Variants in NDUFAF2 observed in about 807,000 individuals in gnomAD.
NDUFAF2 encodes the protein NADH dehydrogenase [ubiquinone] 1 alpha subcomplex assembly factor 2.
In NDUFAF2, 13 loss-of-function variants were observed where a neutral mutation model predicts 22.8. The observed-to-expected ratio is 0.57, with a 90% CI of 0.37 to 0.91. The LOEUF is 0.91. NDUFAF2 is among the 40% of genes least tolerant of loss of function. The pLI, the probability that NDUFAF2 is intolerant of heterozygous loss-of-function variation, is 0.01. For synonymous variants in NDUFAF2, 53 were observed against 64.2 expected, an observed-to-expected ratio of 0.83 and a Z score of 0.84; for missense variants, 162 against 195.2, an observed-to-expected ratio of 0.83 and a Z score of 1.01.
chr5:61,131,442 G>A (rs1753111012), intron 3 of NDUFAF2, among the ~76,000 whole-genome samples: 1 of 152,026 alleles, frequency 6.6e-6, no homozygotes, highest in Non-Finnish European at 1.5e-5. Flanking sequence ...ACTCTTTAGA[G>A]AGCAATTTTC....
intron 1 of NDUFAF2, among the ~76,000 whole-genome samples, chr5:60,959,194 T>C (rs1750653911): frequency 6.6e-6 from 1 of 152,092 alleles, no homozygotes; most frequent in Non-Finnish European, 1.5e-5. Context: ...GATCATGATA[T>C]ATAGCTCTTT....
intron 1 of NDUFAF2, among the ~76,000 whole-genome samples, chr5:61,040,280 A>ACGCGCGCG (rs745774856): frequency 7.8e-5 from 9 of 114,674 alleles, no homozygotes; most frequent in African/African-American, 2.7e-4. Flanking sequence ...ACACACACAC[A>ACGCGCGCG]CACACACGCG....
At chr5:61,047,681 G>T in intron 1 of NDUFAF2, among the ~76,000 whole-genome samples, 1 of 152,066 alleles carries the variant, frequency 6.6e-6, no homozygotes. Context: ...TTATCTGGTA[G>T]GATTATAACC....
chr5:61,131,182 G>A (rs1334731469), intron 3 of NDUFAF2, among the ~76,000 whole-genome samples: 1 of 151,440 alleles, frequency 6.6e-6, no homozygotes, highest in Admixed American at 6.6e-5. Flanking sequence ...GGTGTAAGTT[G>A]ATGTTAACTT....
intron 3 of NDUFAF2, among the ~76,000 whole-genome samples, chr5:61,127,163 C>T (rs1006342836): frequency 7.2e-5 from 11 of 151,888 alleles, no homozygotes; most frequent in Non-Finnish European, 1.6e-4. Flanking sequence ...CGACCAAAAA[C>T]AGTCCAGGAC....
At chr5:60,955,218 T>G (rs1237227687) in intron 1 of NDUFAF2, among the ~76,000 whole-genome samples, 3 of 152,264 alleles carry the variant, frequency 2.0e-5, no homozygotes, top group Non-Finnish European at 4.4e-5. Context: ...TTGAAATCTT[T>G]AATTCATATT....
At chr5:60,981,646 A>G (rs920694823) in intron 1 of NDUFAF2, among the ~76,000 whole-genome samples, 15 of 152,336 alleles carry the variant, frequency 9.8e-5, no homozygotes, top group African/African-American at 3.6e-4. Flanking sequence ...ACATAGTACA[A>G]TAAGATATAA....
At chr5:61,051,553 G>A (rs1752024892) in intron 1 of NDUFAF2, among the ~76,000 whole-genome samples, 1 of 152,112 alleles carries the variant, frequency 6.6e-6, no homozygotes, top group Non-Finnish European at 1.5e-5. Flanking sequence ...TGAACAACTT[G>A]AGCCTTCTTT....
chr5:61,035,925 A>G (rs1042829453), intron 1 of NDUFAF2, among the ~76,000 whole-genome samples: 3 of 152,206 alleles, frequency 2.0e-5, no homozygotes, highest in African/African-American at 7.2e-5. Flanking sequence ...AAAATGTTAA[A>G]TTGTTATAGA....
intron 1 of NDUFAF2, among the ~76,000 whole-genome samples, chr5:61,019,572 AAGAC>A (rs1359584960): frequency 6.6e-6 from 1 of 152,110 alleles, no homozygotes; most frequent in Non-Finnish European, 1.5e-5. Flanking sequence ...GTTTCTTAGA[AAGAC>A]TATTTTTTTT....
chr5:61,102,260 ACTGT>A (rs1224445629), intron 3 of NDUFAF2, among the ~76,000 whole-genome samples: 1 of 152,204 alleles, frequency 6.6e-6, no homozygotes, highest in East Asian at 1.9e-4. Context: ...AAGGGCTAAT[ACTGT>A]CTGACTTTAA....
chr5:61,081,693 C>T (rs1168185294), intron 2 of NDUFAF2, among the ~76,000 whole-genome samples: 2 of 152,172 alleles, frequency 1.3e-5, no homozygotes, highest in Non-Finnish European at 2.9e-5. Flanking sequence ...CATATTCAAT[C>T]CAGGACTTTC....
intron 1 of NDUFAF2, among the ~76,000 whole-genome samples, chr5:60,949,548 T>C (rs1474156450): frequency 1.3e-5 from 2 of 152,212 alleles, no homozygotes; most frequent in East Asian, 3.9e-4. Flanking sequence ...TCATTTTCCA[T>C]GAGTACATAC....
intron 1 of NDUFAF2, among the ~76,000 whole-genome samples, chr5:61,024,925 A>G (rs1214628341): frequency 1.3e-5 from 2 of 151,926 alleles, no homozygotes; most frequent in African/African-American, 2.4e-5. Context: ...TCATGCTTCC[A>G]TGTGTTTAAT....
intron 1 of NDUFAF2, among the ~76,000 whole-genome samples, chr5:60,954,304 AT>A (rs1299296535): frequency 6.6e-6 from 1 of 152,164 alleles, no homozygotes; most frequent in Non-Finnish European, 1.5e-5. Flanking sequence ...ACTCATAGAT[AT>A]ATAGAGAGAG....
At chr5:61,084,217 T>C (rs1752478227) in intron 2 of NDUFAF2, among the ~76,000 whole-genome samples, 1 of 100,630 alleles carries the variant, frequency 9.9e-6, no homozygotes, top group African/African-American at 3.1e-5. Context: ...TTTATTGAGA[T>C]TATTTTTATG....
intron 1 of NDUFAF2, among the ~76,000 whole-genome samples, chr5:61,059,160 C>A (rs1752134083): frequency 6.6e-6 from 1 of 152,082 alleles, no homozygotes; most frequent in Admixed American, 6.6e-5. Flanking sequence ...AATCAGAAGA[C>A]CTGCTTAACT....
chr5:61,117,244 A>G (rs1479365491), intron 3 of NDUFAF2, among the ~76,000 whole-genome samples: 1 of 152,228 alleles, frequency 6.6e-6, no homozygotes, highest in Non-Finnish European at 1.5e-5. Flanking sequence ...GGTTTGGCCT[A>G]TACTATGACC....
At chr5:61,128,035 C>T (rs1753059187) in intron 3 of NDUFAF2, among the ~76,000 whole-genome samples, 2 of 152,154 alleles carry the variant, frequency 1.3e-5, no homozygotes, top group South Asian at 4.1e-4. Context: ...CATGAGTGAA[C>T]TCCCATTCGC....
Sources: gnomAD v4.1 joint callset for allele counts (sites outside exome capture counted in the v4.1 genomes callset) on GRCh38, gnomAD v4.1.1 for gene constraint, MANE v1.5 for transcripts, NCBI Gene and HGNC (gene_info 2026-07-23, HGNC 2026-07-21) for gene names.